ASCC3: variants seen among roughly 807,000 people sequenced by gnomAD.
ASCC3 encodes the protein ASC-1 complex subunit P200.
Under a neutral mutation model 256.3 loss-of-function variants are expected in ASCC3, and 158 were observed. The ratio of observed to expected loss-of-function variants is 0.62; its 90% CI spans 0.54 to 0.70. ASCC3 has a LOEUF of 0.70. ASCC3 is among the 30% of genes least tolerant of loss of function. The pLI, the probability that ASCC3 is intolerant of heterozygous loss-of-function variation, is 0.00. For missense variants in ASCC3, 2,259 were observed against 2,626.0 expected (o/e 0.86, Z 3.05); for synonymous variants, 948 against 883.4 (o/e 1.07, Z -1.30).
intron 10 of ASCC3, among the ~76,000 whole-genome samples, chr6:100,745,600 G>A (rs1018955888): frequency 6.6e-6 from 1 of 151,982 alleles, no homozygotes; most frequent in Non-Finnish European, 1.5e-5. Flanking sequence ...CTTTCTTTAA[G>A]CATATGTTTG....
Position 100,758,042 on chromosome 6 carries a change from G to A in ASCC3, c.1737+8523C>T, listed in dbSNP as rs1477365712. On this transcript the variant is annotated intron_variant, in intron 10 of 41. Transcript: ENST00000369162. The stretch of plus-strand genomic sequence containing the variant: ...ATGGGTGGGAACATGTGTAAAAAGA[G>A]TATCGGCTACCATCCCACCCAGGAG... Among the ~76,000 whole-genome samples the A allele has an allele frequency of 3.3e-5, 5 of 152,188 alleles. No homozygotes were observed. The East Asian group carries it at 5.8e-4, about 18-fold the overall frequency.
chr6:100,828,659 C>T (rs1281700288), intron 4 of ASCC3, among the ~76,000 whole-genome samples: 1 of 151,914 alleles, frequency 6.6e-6, no homozygotes, highest in Non-Finnish European at 1.5e-5. Flanking sequence ...GCTCTTAAGG[C>T]GGTGCATCTG....
At chr6:100,539,818 A>T (rs759877603) in intron 37 of ASCC3, among the ~76,000 whole-genome samples, 41 of 152,096 alleles carry the variant, frequency 2.7e-4, no homozygotes, top group Non-Finnish European at 5.3e-4. Context: ...GTTATTACCT[A>T]TTAATTTATA....
At chr6:100,762,963 T>C (rs1049401241) in intron 10 of ASCC3, among the ~76,000 whole-genome samples, 1 of 152,190 alleles carries the variant, frequency 6.6e-6, no homozygotes, top group Non-Finnish European at 1.5e-5. Flanking sequence ...TTTAAGATTA[T>C]ATTTGATTTA....
chr6:100,702,865 T>G (rs1365276058), intron 13 of ASCC3, among the ~76,000 whole-genome samples: 1 of 152,138 alleles, frequency 6.6e-6, no homozygotes, highest in African/African-American at 2.4e-5. Context: ...TGTATCAAGC[T>G]TTGAATTTTC....
intron 37 of ASCC3, among the ~76,000 whole-genome samples, chr6:100,536,290 T>C (rs1273992349): frequency 6.6e-6 from 1 of 152,206 alleles, no homozygotes; most frequent in African/African-American, 2.4e-5. Context: ...AAGTGAACCC[T>C]TTGGTCTTAG....
At chr6:100,598,080 G>T (rs1371249671) in intron 34 of ASCC3, among the ~76,000 whole-genome samples, 5 of 151,962 alleles carry the variant, frequency 3.3e-5, no homozygotes, top group Admixed American at 3.3e-4. Context: ...GACTTGGCTA[G>T]CTGTAAGGGC....
chr6:100,727,411 T>G (rs1176222134), intron 10 of ASCC3, among the ~76,000 whole-genome samples: 1 of 152,024 alleles, frequency 6.6e-6, no homozygotes, highest in African/African-American at 2.4e-5. Flanking sequence ...TCATAAAATC[T>G]CTCGTGTAAT....
At chr6:100,576,765 G>C (rs140517825) in intron 36 of ASCC3, among the ~76,000 whole-genome samples, 1 of 151,774 alleles carries the variant, frequency 6.6e-6, no homozygotes, top group Non-Finnish European at 1.5e-5. Flanking sequence ...AGAAAGTTTC[G>C]ATAGAATCTT....
At position 100,870,140 on chromosome 6, in the gene ASCC3, C is replaced by T. The variant is rs149962015; in HGVS notation, c.-41-2102G>A. On this transcript the variant is annotated intron_variant, in intron 1 of 41. Coordinates refer to ENST00000369162, the MANE Select transcript of ASCC3 (RefSeq NM_006828.4). Reference sequence around the variant, plus strand: ...AAAGATATAGAGAACCTGAAGAGTACAATTACTAAGTCTGATTTAATGAAC... The same window carrying T: ...AAAGATATAGAGAACCTGAAGAGTATAATTACTAAGTCTGATTTAATGAAC... Among the ~76,000 whole-genome samples the T allele has an allele frequency of 6.7e-4, 102 of 152,206 alleles. No homozygotes were observed. In the East Asian group the frequency reaches 0.018, roughly 27 times the overall value.
intron 4 of ASCC3, among the ~76,000 whole-genome samples, chr6:100,847,184 T>C (rs1772424169): frequency 6.6e-6 from 1 of 152,146 alleles, no homozygotes; most frequent in South Asian, 2.1e-4. Context: ...TAATTAGATA[T>C]TTATAAATTT....
At chr6:100,554,400 T>C (rs1033180093) in intron 36 of ASCC3, among the ~76,000 whole-genome samples, 1 of 152,120 alleles carries the variant, frequency 6.6e-6, no homozygotes, top group African/African-American at 2.4e-5. Flanking sequence ...AACTAGTACT[T>C]TTATGTCACT....
Position 100,540,407 on chromosome 6 carries a change from C to T in ASCC3, c.5551-20G>A. ...TGCATCCTGAAAAAAAAAAAAAGCCCCACATTGTTGGATCAAAGTATAATA... is the reference window on the plus strand; with the variant it reads ...TGCATCCTGAAAAAAAAAAAAAGCCTCACATTGTTGGATCAAAGTATAATA... On this transcript the variant is annotated intron_variant, in intron 36 of 41. Transcript: ENST00000369162. The T allele has an allele frequency of 1.3e-6, 2 of 1,483,050 alleles. No individual in the cohort carries two copies. Among genetic ancestry groups the T allele is most frequent in the Non-Finnish European group, 1.9e-6 (2 of 1,063,644 alleles). 91.9% of individuals were successfully genotyped at this position (1,483,050 alleles called of 1,614,324 possible).
At chr6:100,558,840 T>C (rs1258349541) in intron 36 of ASCC3, among the ~76,000 whole-genome samples, 2 of 152,182 alleles carry the variant, frequency 1.3e-5, no homozygotes, top group African/African-American at 2.4e-5. Context: ...TATTTTATCA[T>C]GATGAGAAAG....
At chr6:100,846,874 T>C (rs1772410042) in intron 4 of ASCC3, among the ~76,000 whole-genome samples, 2 of 150,962 alleles carry the variant, frequency 1.3e-5, no homozygotes, top group South Asian at 2.1e-4. Flanking sequence ...TTCAGTACAG[T>C]TACTTGTTGA....
intron 8 of ASCC3, among the ~76,000 whole-genome samples, chr6:100,795,581 C>T (rs992146030): frequency 6.6e-6 from 1 of 152,174 alleles, no homozygotes; most frequent in Non-Finnish European, 1.5e-5. Context: ...CCTGACTAAT[C>T]AAGAGATGCA....
chr6:100,548,307 C>T (rs534896470), intron 36 of ASCC3, among the ~76,000 whole-genome samples: 1 of 152,050 alleles, frequency 6.6e-6, no homozygotes, highest in East Asian at 1.9e-4. Flanking sequence ...ATTCTACTAT[C>T]TATGCATAAT....
intron 34 of ASCC3, among the ~76,000 whole-genome samples, chr6:100,590,605 C>T (rs900363800): frequency 2.2e-4 from 34 of 152,096 alleles, no homozygotes; most frequent in African/African-American, 2.4e-5. Flanking sequence ...TTTTCCCCAT[C>T]CACATCAAAG....
Position 100,553,437 on chromosome 6 carries a change from T to C in ASCC3, c.5551-13050A>G, listed in dbSNP as rs543493197. Among the ~76,000 whole-genome samples the C allele has an allele frequency of 4.6e-5, 7 of 152,202 alleles. No homozygotes were observed. In the South Asian group the frequency reaches 1.5e-3, roughly 32 times the overall value. On this transcript the variant is annotated intron_variant, in intron 36 of 41. Coordinates refer to ENST00000369162, the MANE Select transcript of ASCC3 (RefSeq NM_006828.4). ...AATTGAAAGTGGGTAGTGAAGCTTT[T>C]ATGCAACTGGGATTGAAGCTGAATG...
Sources: allele counts gnomAD v4.1 joint callset (sites outside exome capture counted in the v4.1 genomes callset), GRCh38; gene constraint gnomAD v4.1.1; transcripts MANE v1.5; gene names NCBI Gene and HGNC (gene_info 2026-07-23, HGNC 2026-07-21).